Variants in GDA observed in about 807,000 individuals in gnomAD.
The protein encoded by GDA is cytoplasmic PSD-95 interactor.
A neutral mutation model predicts 59.6 loss-of-function variants in GDA; 18 were observed. The observed-to-expected ratio is 0.30, with a 90% CI of 0.21 to 0.45. GDA has a LOEUF of 0.45. GDA is among the 20% of genes least tolerant of loss of function. GDA has a pLI of 1.00. For missense variants in GDA, 427 were observed against 552.3 expected (o/e 0.77, Z 2.27); for synonymous variants, 201 against 201.1 (o/e 1.00, Z 0.00).
At chr9:72,133,020 G>T (rs757935714) in intron 1 of GDA, among the ~76,000 whole-genome samples, 1 of 152,070 alleles carries the variant, frequency 6.6e-6, no homozygotes, top group African/African-American at 2.4e-5. Context: ...GCCAGGTGCA[G>T]TGGCTCACAC....
intron 9 of GDA, chr9:72,228,279 A>T (rs891457026): frequency 7.7e-5 from 34 of 443,348 alleles, no homozygotes; most frequent in African/African-American, 6.4e-4. Context: ...GAGTTTGTAC[A>T]AAAAAAGGAC....
intron 5 of GDA, among the ~76,000 whole-genome samples, chr9:72,215,297 G>A (rs953452244): frequency 6.6e-6 from 1 of 151,578 alleles, no homozygotes; most frequent in Admixed American, 6.6e-5. Flanking sequence ...TGTTTCCATG[G>A]TCCAGAACTT....
intron 1 of GDA, among the ~76,000 whole-genome samples, chr9:72,165,205 A>C (rs1275306637): frequency 2.0e-5 from 3 of 152,232 alleles, no homozygotes; most frequent in African/African-American, 7.2e-5. Context: ...AAAGTTAAGA[A>C]AGCATGCTGC....
chr9:72,117,538 G>A (rs1393945215), intron 1 of GDA, among the ~76,000 whole-genome samples: 1 of 152,158 alleles, frequency 6.6e-6, no homozygotes, highest in East Asian at 1.9e-4. Context: ...TTGATTTCAA[G>A]GTGGTAGTCA....
At chr9:72,124,841 C>A (rs1030356076) in intron 1 of GDA, among the ~76,000 whole-genome samples, 8 of 152,044 alleles carry the variant, frequency 5.3e-5, no homozygotes, top group Non-Finnish European at 8.8e-5. Flanking sequence ...AACTCCTGAC[C>A]TTGTGATCCA....
intron 6 of GDA, among the ~76,000 whole-genome samples, chr9:72,220,253 G>A (rs113199073): frequency 9.9e-4 from 151 of 152,220 alleles, no homozygotes; most frequent in Non-Finnish European, 1.8e-3. Context: ...AGAAACAGAG[G>A]TCAGGCATTT....
chr9:72,234,476 A>C (rs1292094420), intron 10 of GDA, among the ~76,000 whole-genome samples: 1 of 152,232 alleles, frequency 6.6e-6, no homozygotes, highest in African/African-American at 2.4e-5. Flanking sequence ...GAGAAGCAGA[A>C]TTATTGTTAC....
At chr9:72,201,594 A>G (rs2131340134) in intron 2 of GDA, among the ~76,000 whole-genome samples, 1 of 152,322 alleles carries the variant, frequency 6.6e-6, no homozygotes, top group African/African-American at 2.4e-5. Context: ...ATGAGGAATT[A>G]TTTGTAATGT....
intron 10 of GDA, among the ~76,000 whole-genome samples, chr9:72,240,772 G>C (rs972716237): frequency 1.3e-5 from 2 of 152,166 alleles, no homozygotes; most frequent in African/African-American, 4.8e-5. Flanking sequence ...GGAGCCACCA[G>C]GAGCCACCAG....
At chr9:72,172,612 G>T (rs887511475) in intron 1 of GDA, among the ~76,000 whole-genome samples, 1 of 152,124 alleles carries the variant, frequency 6.6e-6, no homozygotes, top group South Asian at 2.1e-4. Context: ...TAGGGTTTGC[G>T]CTAGGACCTC....
intron 6 of GDA, among the ~76,000 whole-genome samples, chr9:72,221,071 T>G (rs1179350975): frequency 2.6e-5 from 4 of 152,236 alleles, no homozygotes; most frequent in Middle Eastern, 3.4e-3. Context: ...AGATGAAACT[T>G]TGTAGATCCT....
At chr9:72,122,861 A>G (rs1825711093) in intron 1 of GDA, among the ~76,000 whole-genome samples, 1 of 152,146 alleles carries the variant, frequency 6.6e-6, no homozygotes, top group South Asian at 2.1e-4. Context: ...TGCTCCAAGG[A>G]TAAGCTCTGC....
chr9:72,232,172 G>T (rs996641267), intron 10 of GDA, among the ~76,000 whole-genome samples: 1 of 152,152 alleles, frequency 6.6e-6, no homozygotes, highest in African/African-American at 2.4e-5. Context: ...TGGGTATGGG[G>T]CAGGAGGACG....
intron 3 of GDA, 50 bp downstream of exon 3, chr9:72,202,792 A>G (rs754968351): frequency 1.5e-6 from 2 of 1,364,624 alleles, no homozygotes; most frequent in Non-Finnish European, 2.1e-6. Context: ...ATCTATAGAA[A>G]TATCAGTTTC....
At chr9:72,120,191 C>CT (rs202118778) in intron 1 of GDA, among the ~76,000 whole-genome samples, 1,835 of 145,218 alleles carry the variant, frequency 0.013, 48 homozygotes, top group African/African-American at 0.041. Flanking sequence ...ATGCAGCATT[C>CT]TTTTTTTTTT....
At chr9:72,137,934 G>A (rs185049982) in intron 1 of GDA, among the ~76,000 whole-genome samples, 18 of 152,270 alleles carry the variant, frequency 1.2e-4, no homozygotes, top group Middle Eastern at 3.4e-3. Flanking sequence ...GCTTCTGGCC[G>A]AGTTAGGTCA....
Position 72,250,038 on chromosome 9 carries a change from T to G in GDA, c.*1696T>G. 3 of 969,112 alleles carry G rather than the reference T, an allele frequency of 3.1e-6. No individual in the cohort carries two copies. The highest frequency in any genetic ancestry group is 3.7e-6 in the Non-Finnish European group (3 of 815,144). The allele number at this position is 969,112 out of a possible 1,614,324, so 60.0% of individuals were successfully genotyped here. A position where few individuals can be genotyped will look rare whatever the true frequency, so the allele number is the denominator to read the frequency against. On this transcript the variant is annotated 3_prime_UTR_variant, in exon 14 of 14. Transcript: ENST00000358399. ...TTGTTTTGTGAGATAAGTATCTTAGTAAACCCAATTTCCAGTCTTAGTCTG... is the reference window on the plus strand; with the variant it reads ...TTGTTTTGTGAGATAAGTATCTTAGGAAACCCAATTTCCAGTCTTAGTCTG...
intron 1 of GDA, among the ~76,000 whole-genome samples, chr9:72,117,381 TA>T (rs1825490886): frequency 1.3e-5 from 2 of 152,180 alleles, no homozygotes; most frequent in African/African-American, 4.8e-5. Context: ...ATGACCTTTA[TA>T]AAATGATAAT....
At chr9:72,154,378 T>C (rs562506769) in intron 1 of GDA, among the ~76,000 whole-genome samples, 20 of 152,350 alleles carry the variant, frequency 1.3e-4, no homozygotes, top group Admixed American at 5.9e-4. Context: ...ATACTTAACA[T>C]GTACCATGTT....
Sources: allele counts gnomAD v4.1 joint callset (sites outside exome capture counted in the v4.1 genomes callset), GRCh38; gene constraint gnomAD v4.1.1; transcripts MANE v1.5; gene names NCBI Gene and HGNC (gene_info 2026-07-23, HGNC 2026-07-21).